GABBR2: variants seen among roughly 807,000 people sequenced by gnomAD.
The protein encoded by GABBR2 is gamma-aminobutyric acid type B receptor subunit 2.
A neutral mutation model predicts 105.6 loss-of-function variants in GABBR2; 23 were observed. That is an observed-to-expected ratio of 0.22 (90% CI 0.16 to 0.31). GABBR2 has a LOEUF of 0.31. GABBR2 is among the 10% of genes least tolerant of loss of function. GABBR2 has a pLI of 1.00. For missense variants in GABBR2, 734 were observed against 1,245.5 expected, an observed-to-expected ratio of 0.59 and a Z score of 6.18; for synonymous variants, 478 against 499.7, an observed-to-expected ratio of 0.96 and a Z score of 0.58.
At chr9:98,567,742 T>G (rs1828771483) in intron 2 of GABBR2, among the ~76,000 whole-genome samples, 1 of 152,168 alleles carries the variant, frequency 6.6e-6, no homozygotes, top group South Asian at 2.1e-4. Flanking sequence ...TCAGTGAGGC[T>G]CTGAGGGGGC....
intron 1 of GABBR2, among the ~76,000 whole-genome samples, chr9:98,666,939 G>T (rs1413966985): frequency 6.6e-6 from 1 of 152,136 alleles, no homozygotes; most frequent in African/African-American, 2.4e-5. Flanking sequence ...AGGTGATGGG[G>T]GCCTGGAAGA....
chr9:98,343,574 T>A (rs1831250789), intron 13 of GABBR2, among the ~76,000 whole-genome samples: 1 of 152,158 alleles, frequency 6.6e-6, no homozygotes, highest in Non-Finnish European at 1.5e-5. Flanking sequence ...AAGAAAAGAA[T>A]CCTGGCCGGG....
Position 98,389,014 on chromosome 9 carries a change from C to A in GABBR2, c.1379-10G>T. The A allele has an allele frequency of 6.2e-7, 1 of 1,609,046 alleles. No individual in the cohort carries two copies. The highest frequency in any genetic ancestry group is 8.5e-7 in the Non-Finnish European group (1 of 1,177,092). Reference sequence around the variant, plus strand: ...TTTGGTGGTTCGGATCCTAGAGGATCAAGAGAAGACATCAGTGGGACCCAA... The same window carrying A: ...TTTGGTGGTTCGGATCCTAGAGGATAAAGAGAAGACATCAGTGGGACCCAA... On this transcript the variant is annotated splice_polypyrimidine_tract_variant and intron_variant, in intron 9 of 18. Coordinates refer to ENST00000259455, the MANE Select transcript of GABBR2 (RefSeq NM_005458.8).
chr9:98,336,560 C>T (rs1005876946), intron 13 of GABBR2, among the ~76,000 whole-genome samples: 1 of 152,046 alleles, frequency 6.6e-6, no homozygotes, highest in Non-Finnish European at 1.5e-5. Context: ...CAAAAATTAG[C>T]CAGGCATGGT....
At position 98,465,968 on chromosome 9, in the gene GABBR2, G is replaced by A. The variant is rs116093690; in HGVS notation, c.999+7178C>T. Among the ~76,000 whole-genome samples the A allele has an allele frequency of 5.7e-3, 863 of 152,294 alleles. 10 individuals carry two copies. The highest frequency in any genetic ancestry group is 0.02 in the African/African-American group (819 of 41,562). On this transcript the variant is annotated intron_variant, in intron 6 of 18. Transcript: ENST00000259455. ...TCATGGGGCAGGTTTTCCCCTTGCT[G>A]TTCTCATGCTAGTGAGTGCGTTCTC...
At chr9:98,339,886 A>G (rs1831179562) in intron 13 of GABBR2, among the ~76,000 whole-genome samples, 1 of 152,144 alleles carries the variant, frequency 6.6e-6, no homozygotes, top group African/African-American at 2.4e-5. Context: ...ATGGCTGAAT[A>G]GCAATACCTG....
intron 2 of GABBR2, among the ~76,000 whole-genome samples, chr9:98,574,144 C>T (rs945958331): frequency 6.6e-6 from 1 of 152,212 alleles, no homozygotes; most frequent in African/African-American, 2.4e-5. Context: ...CCTTGCTGGG[C>T]AACTGGAGTT....
At chr9:98,465,224 C>A (rs1374982521) in intron 6 of GABBR2, among the ~76,000 whole-genome samples, 1 of 144,170 alleles carries the variant, frequency 6.9e-6, no homozygotes, top group African/African-American at 2.6e-5. Context: ...GAAACAGAAC[C>A]AAATATATAA....
At chr9:98,430,288 CAAA>C (rs55760467) in intron 7 of GABBR2, among the ~76,000 whole-genome samples, 30,761 of 88,168 alleles carry the variant, frequency 0.35, 3,459 homozygotes, top group East Asian at 0.52. Flanking sequence ...GACTCCGTCT[CAAA>C]AAAAAAAAAA....
rs533666804 is a variant in GABBR2, at chr9:98,511,015, C to T, written c.631-14501G>A. 1.9e-3 allele frequency among the ~76,000 whole-genome samples: 290 copies of T among 152,268 alleles called. 1 individual carries two copies. Among genetic ancestry groups the T allele is most frequent in the African/African-American group, 6.5e-3 (269 of 41,548 alleles). On this transcript the variant is annotated intron_variant, in intron 3 of 18. Transcript: ENST00000259455. ...ACCACATAGTTGGAAGTAAAGCACT[C>T]CTCAGCAAATGTAAAAGAACAGAAG...
intron 1 of GABBR2, among the ~76,000 whole-genome samples, chr9:98,602,761 C>G (rs183313355): frequency 6.6e-6 from 1 of 152,312 alleles, no homozygotes; most frequent in Non-Finnish European, 1.5e-5. Flanking sequence ...CACGGAGATG[C>G]TCGGTTTCTT....
intron 1 of GABBR2, among the ~76,000 whole-genome samples, chr9:98,676,236 C>T (rs1175201441): frequency 6.6e-6 from 1 of 152,212 alleles, no homozygotes; most frequent in Non-Finnish European, 1.5e-5. Flanking sequence ...ATGCAGGTGA[C>T]CTCGAGAAGT....
intron 13 of GABBR2, among the ~76,000 whole-genome samples, chr9:98,330,577 G>C (rs1040344538): frequency 6.6e-6 from 1 of 152,134 alleles, no homozygotes; most frequent in Non-Finnish European, 1.5e-5. Context: ...CAATCATTTA[G>C]CCTTCTAAAG....
intron 1 of GABBR2, among the ~76,000 whole-genome samples, chr9:98,633,478 A>T (rs1829839362): frequency 6.6e-6 from 1 of 151,910 alleles, no homozygotes; most frequent in Admixed American, 6.6e-5. Flanking sequence ...CAAAAAAAAT[A>T]GCTGGGCATG....
At chr9:98,451,614 C>G (rs1406027669) in intron 7 of GABBR2, among the ~76,000 whole-genome samples, 1 of 152,190 alleles carries the variant, frequency 6.6e-6, no homozygotes, top group Non-Finnish European at 1.5e-5. Flanking sequence ...CTGGGCCCCA[C>G]CCCGAGAGGT....
At chr9:98,667,949 G>A (rs1034296598) in intron 1 of GABBR2, among the ~76,000 whole-genome samples, 1 of 152,130 alleles carries the variant, frequency 6.6e-6, no homozygotes, top group African/African-American at 2.4e-5. Context: ...TCAGTGTCAG[G>A]GAGCTGCCTC....
At chr9:98,545,737 A>G in intron 2 of GABBR2, among the ~76,000 whole-genome samples, 1 of 152,194 alleles carries the variant, frequency 6.6e-6, no homozygotes, top group Non-Finnish European at 1.5e-5. Context: ...ACTACAGCTA[A>G]TAAGAGGTAG....
intron 1 of GABBR2, among the ~76,000 whole-genome samples, chr9:98,611,457 G>GGAATGAATGAATGAATGAATGAAT (rs10693570): frequency 6.7e-6 from 1 of 149,958 alleles, no homozygotes; most frequent in African/African-American, 2.5e-5. Flanking sequence ...GTGCACCCGA[G>GGAATGAATGAATGAATGAATGAAT]GAATGAATGA....
At chr9:98,307,437 C>T (rs997874366) in intron 14 of GABBR2, among the ~76,000 whole-genome samples, 5 of 151,980 alleles carry the variant, frequency 3.3e-5, no homozygotes, top group Non-Finnish European at 7.4e-5. Context: ...TTAGTGCAGC[C>T]CCTCCAAGAG....
Sources: gnomAD v4.1 joint callset for allele counts (sites outside exome capture counted in the v4.1 genomes callset) on GRCh38, gnomAD v4.1.1 for gene constraint, MANE v1.5 for transcripts, NCBI Gene and HGNC (gene_info 2026-07-23, HGNC 2026-07-21) for gene names.